The following M1AP variants were observed in gnomAD, a reference collection of about 807,000 sequenced individuals.
M1AP encodes the protein meiosis 1 arrest protein.
Under a neutral mutation model 51.2 loss-of-function variants are expected in M1AP, and 39 were observed. The observed-to-expected ratio is 0.76, with a 90% CI of 0.59 to 1.00. The LOEUF is 1.00. M1AP is among the 50% of genes least tolerant of loss of function. The pLI is 0.00. For missense variants in M1AP, 545 were observed against 641.2 expected (o/e 0.85, Z 1.62); for synonymous variants, 251 against 249.2 (o/e 1.01, Z -0.07).
chr2:74,627,301 C>A (rs920722776), intron 2 of M1AP, among the ~76,000 whole-genome samples: 3 of 152,038 alleles, frequency 2.0e-5, no homozygotes, highest in Admixed American at 6.6e-5. Flanking sequence ...TCCATTATAA[C>A]TTTTAACTTG....
chr2:74,560,930 C>T lies in M1AP; in HGVS notation c.1282-639G>A, dbSNP rs540243535. On this transcript the variant is annotated intron_variant, in intron 8 of 10. Transcript: ENST00000421985. ...ATTTAAGCTAGCGAGCCAGCAGCGA[C>T]GTGGTTCCAGTTCTCCCTACCCAGA... Among the ~76,000 whole-genome samples, 19 of 152,252 alleles carry T rather than the reference C, an allele frequency of 1.2e-4. No homozygotes were observed. In the South Asian group the frequency reaches 2.1e-3, roughly 17 times the overall value.
intron 7 of M1AP, among the ~76,000 whole-genome samples, chr2:74,570,803 TA>T (rs968761383): frequency 6.6e-6 from 1 of 151,988 alleles, no homozygotes; most frequent in Non-Finnish European, 1.5e-5. Flanking sequence ...ACTTTATGGA[TA>T]AACAATAGTA....
chr2:74,603,975 AC>A (rs1166309265), intron 4 of M1AP, among the ~76,000 whole-genome samples: 6 of 152,156 alleles, frequency 3.9e-5, no homozygotes, highest in African/African-American at 1.4e-4. Flanking sequence ...GCCCAAAAGG[AC>A]TGCAGGAGGG....
At chr2:74,647,156 A>G (rs915520567) in intron 1 of M1AP, 4 of 928,242 alleles carry the variant, frequency 4.3e-6, no homozygotes, top group Non-Finnish European at 5.1e-6. Flanking sequence ...ACTTCCAATT[A>G]CACCACTGGA....
chr2:74,623,658 G>A (rs1682204071), intron 2 of M1AP, among the ~76,000 whole-genome samples: 1 of 152,102 alleles, frequency 6.6e-6, no homozygotes. Flanking sequence ...TTTAACTTAT[G>A]TTTTATTTAA....
chr2:74,576,485 C>G lies in M1AP; in HGVS notation c.903G>C (p.Ser301=), dbSNP rs145804668. 2.5e-6 allele frequency: 4 copies of G among 1,613,866 alleles called. No homozygotes were observed. The African/African-American group carries it at 4.0e-5, about 16-fold the overall frequency. ...ITLYQMASQS[S]ASHYKLQVIK... is the part of the protein sequence containing the mutation. ...TCACTTGGAGCTTGTAATGAGAGGC[C>G]GATGACTGGGAAGCCATCTGGTAGA... is the stretch of plus-strand genomic sequence containing the variant. The change falls in exon 6 of 11, where the codon TCG becomes TCC. Residue 301 remains serine, a synonymous_variant. Coordinates refer to ENST00000421985, the MANE Select transcript of M1AP (RefSeq NM_001321739.2).
At chr2:74,586,649 T>C (rs982839903) in intron 4 of M1AP, among the ~76,000 whole-genome samples, 1 of 152,186 alleles carries the variant, frequency 6.6e-6, no homozygotes, top group African/African-American at 2.4e-5. Flanking sequence ...GATTTTCTTC[T>C]CTTTTCCTGA....
intron 2 of M1AP, among the ~76,000 whole-genome samples, chr2:74,630,896 T>G (rs1682666820): frequency 6.6e-6 from 1 of 152,242 alleles, no homozygotes; most frequent in Non-Finnish European, 1.5e-5. Context: ...TGTGCCTTCT[T>G]GATCACTCCG....
chr2:74,632,115 A>G (rs1320885589), intron 2 of M1AP, among the ~76,000 whole-genome samples: 5 of 152,140 alleles, frequency 3.3e-5, no homozygotes, highest in Non-Finnish European at 4.4e-5. Flanking sequence ...TTGGCTTTCA[A>G]TTTTTCCTGA....
chr2:74,599,833 T>C (rs1680570676), intron 4 of M1AP, among the ~76,000 whole-genome samples: 1 of 121,580 alleles, frequency 8.2e-6, no homozygotes, highest in African/African-American at 4.6e-5. Flanking sequence ...TCTGACAGGA[T>C]TTTTTTTTTT....
At chr2:74,617,244 T>C (rs1401746184) in intron 2 of M1AP, among the ~76,000 whole-genome samples, 1 of 152,212 alleles carries the variant, frequency 6.6e-6, no homozygotes, top group East Asian at 1.9e-4. Flanking sequence ...TGATTCAAAA[T>C]AGCTGGAATC....
At chr2:74,587,431 C>T (rs981498132) in intron 4 of M1AP, among the ~76,000 whole-genome samples, 5 of 152,140 alleles carry the variant, frequency 3.3e-5, no homozygotes, top group African/African-American at 1.2e-4. Flanking sequence ...ATCTCCTGAC[C>T]TCGTGATCCA....
intron 7 of M1AP, among the ~76,000 whole-genome samples, chr2:74,564,887 C>G (rs1678272481): frequency 6.6e-6 from 1 of 152,144 alleles, no homozygotes; most frequent in African/African-American, 2.4e-5. Context: ...TCTATTTTTA[C>G]ATTGATTCGT....
chr2:74,583,405 A>T (rs1052059438), intron 4 of M1AP, among the ~76,000 whole-genome samples: 2 of 152,118 alleles, frequency 1.3e-5, no homozygotes, highest in African/African-American at 2.4e-5. Context: ...AATCTGAATG[A>T]ATGGAGCTGG....
At chr2:74,635,384 T>C (rs1682927320) in intron 2 of M1AP, among the ~76,000 whole-genome samples, 1 of 152,146 alleles carries the variant, frequency 6.6e-6, no homozygotes. Flanking sequence ...ATTTTCCTTG[T>C]CATTCTTGCC....
intron 7 of M1AP, 124 bp from the exon 8 acceptor site, chr2:74,562,547 G>C: frequency 1.0e-6 from 1 of 958,958 alleles, no homozygotes; most frequent in South Asian, 1.7e-5. Context: ...ATTTAACTTC[G>C]GCCCTGGTAG....
intron 2 of M1AP, among the ~76,000 whole-genome samples, chr2:74,632,917 T>C (rs535001792): frequency 2.6e-5 from 4 of 152,274 alleles, no homozygotes; most frequent in Admixed American, 6.5e-5. Flanking sequence ...ACATAGCCAC[T>C]TGAGGAGGAA....
In M1AP at chr2:74,620,366, T is replaced by C. The variant is rs17723774; in HGVS notation, c.241-5217A>G. Among the ~76,000 whole-genome samples, 1,193 of 152,346 alleles carry C rather than the reference T, an allele frequency of 7.8e-3. 8 individuals are homozygous for C. Among genetic ancestry groups the C allele is most frequent in the Non-Finnish European group, 0.012 (807 of 68,034 alleles). On this transcript the variant is annotated intron_variant, in intron 2 of 10. Transcript: ENST00000421985. ...AAGAAAAGAAATCCTCTAATCTACA[T>C]TGCAACATGCAGAGGCAAGGCTGAG... is the stretch of plus-strand genomic sequence containing the variant.
intron 2 of M1AP, among the ~76,000 whole-genome samples, chr2:74,626,620 T>C (rs920044760): frequency 6.6e-6 from 1 of 152,058 alleles, no homozygotes; most frequent in Admixed American, 6.6e-5. Flanking sequence ...TGTTTCCTGA[T>C]TGTACTCAGA....
Sources: allele counts gnomAD v4.1 joint callset (sites outside exome capture counted in the v4.1 genomes callset), GRCh38; gene constraint gnomAD v4.1.1; transcripts MANE v1.5; gene names NCBI Gene and HGNC (gene_info 2026-07-23, HGNC 2026-07-21).